ABI2: variants seen among roughly 807,000 people sequenced by gnomAD.
The protein encoded by ABI2 is abelson interactor 2.
Under a neutral mutation model 59.2 loss-of-function variants are expected in ABI2, and 25 were observed. The observed-to-expected ratio is 0.42, with a 90% CI of 0.31 to 0.59. ABI2 has a LOEUF of 0.59. ABI2 is among the 20% of genes least tolerant of loss of function. The pLI, the probability that ABI2 is intolerant of heterozygous loss-of-function variation, is 0.14. For missense variants in ABI2, 545 were observed against 681.8 expected (o/e 0.80, Z 2.23); for synonymous variants, 213 against 235.5 (o/e 0.90, Z 0.87).
chr2:203,351,692 T>C, intron 1 of ABI2: 1 of 328,848 alleles, frequency 3.0e-6, no homozygotes, highest in Admixed American at 4.5e-5. Flanking sequence ...CGTGCTACTG[T>C]GCCCGGCTGA....
intron 1 of ABI2, among the ~76,000 whole-genome samples, chr2:203,356,373 A>G (rs1183313178): frequency 6.6e-6 from 1 of 151,520 alleles, no homozygotes; most frequent in Non-Finnish European, 1.5e-5. Context: ...ATTTTATTTT[A>G]TTTTATTTAT....
At chr2:203,404,236 T>C (rs568202173) in intron 9 of ABI2, among the ~76,000 whole-genome samples, 7 of 152,230 alleles carry the variant, frequency 4.6e-5, no homozygotes, top group Non-Finnish European at 1.0e-4. Flanking sequence ...AGGAACTGTT[T>C]GTTGAATGCC....
chr2:203,403,602 G>A (rs1309638714), intron 9 of ABI2, among the ~76,000 whole-genome samples: 1 of 150,200 alleles, frequency 6.7e-6, no homozygotes, highest in Admixed American at 6.7e-5. Context: ...TATCTCATTT[G>A]ATTCTTAGAA....
chr2:203,342,147 A>G (rs1300074671), intron 1 of ABI2: 4 of 450,016 alleles, frequency 8.9e-6, no homozygotes, highest in South Asian at 6.4e-5. Flanking sequence ...TATGACTCAC[A>G]CCATTTATTT....
chr2:203,368,746 A>T (rs1005939056), intron 2 of ABI2, among the ~76,000 whole-genome samples: 1 of 152,074 alleles, frequency 6.6e-6, no homozygotes, highest in Non-Finnish European at 1.5e-5. Context: ...TAATGAGTGT[A>T]AGGTAAATTT....
chr2:203,369,593 T>C (rs891775622), intron 2 of ABI2, among the ~76,000 whole-genome samples: 1 of 152,178 alleles, frequency 6.6e-6, no homozygotes, highest in Non-Finnish European at 1.5e-5. Context: ...ATTAATGCTG[T>C]CTTTTAAAGC....
At position 203,387,557 on chromosome 2, in the gene ABI2, G is replaced by T. The variant is rs116096391; in HGVS notation, c.481-3489G>T. 1.6e-3 allele frequency among the ~76,000 whole-genome samples: 251 copies of T among 152,214 alleles called. 2 individuals are homozygous for T. Among genetic ancestry groups the T allele is most frequent in the African/African-American group, 5.4e-3 (224 of 41,542 alleles). ...CTTCTGTTTTGGAGGTTTCTGTCTG[G>T]TAGGGAAAAAGTGGGGACTTTTCCA... is the stretch of plus-strand genomic sequence containing the variant. On this transcript the variant is annotated intron_variant, in intron 4 of 11. Coordinates refer to ENST00000261018, the MANE Select transcript of ABI2 (RefSeq NM_001375670.1).
intron 9 of ABI2, among the ~76,000 whole-genome samples, chr2:203,407,770 T>A (rs1032512727): frequency 6.6e-6 from 1 of 152,206 alleles, no homozygotes; most frequent in Admixed American, 6.5e-5. Flanking sequence ...GAAAACAAGT[T>A]TGCTTCCTGC....
intron 1 of ABI2, among the ~76,000 whole-genome samples, chr2:203,358,071 T>TTGTGTG (rs71007506): frequency 0.044 from 5,701 of 128,696 alleles, 195 homozygotes; most frequent in African/African-American, 0.11. Context: ...CCTGGCCTGT[T>TTGTGTG]TGTGTGTGTG....
chr2:203,376,733 CTTTTTTTTT>C (rs370295013), intron 2 of ABI2, among the ~76,000 whole-genome samples: 1 of 114,898 alleles, frequency 8.7e-6, no homozygotes, highest in Non-Finnish European at 1.8e-5. Flanking sequence ...TTGGTCTTCC[CTTTTTTTTT>C]TTTTTTTTTT....
chr2:203,418,000 G>C (rs2097980013), intron 11 of ABI2, among the ~76,000 whole-genome samples: 1 of 152,102 alleles, frequency 6.6e-6, no homozygotes, highest in African/African-American at 2.4e-5. Context: ...AATATTTCTG[G>C]AGACGAAAAA....
chr2:203,366,153 T>A (rs1169799633), intron 1 of ABI2, among the ~76,000 whole-genome samples: 1 of 152,108 alleles, frequency 6.6e-6, no homozygotes, highest in Non-Finnish European at 1.5e-5. Context: ...TAATTTATTT[T>A]AAAAATTACT....
intron 9 of ABI2, among the ~76,000 whole-genome samples, chr2:203,409,503 T>C (rs2097568796): frequency 6.6e-6 from 1 of 152,206 alleles, no homozygotes; most frequent in Non-Finnish European, 1.5e-5. Context: ...CCATCCCATT[T>C]CTTTCCCAGT....
chr2:203,368,094 G>A (rs1355474526), intron 2 of ABI2, among the ~76,000 whole-genome samples: 3 of 152,026 alleles, frequency 2.0e-5, no homozygotes, highest in African/African-American at 4.8e-5. Flanking sequence ...TTAACTTAGC[G>A]TTAAGGCAAA....
chr2:203,373,099 G>T (rs1186545265), intron 2 of ABI2, among the ~76,000 whole-genome samples: 2 of 152,320 alleles, frequency 1.3e-5, no homozygotes, highest in East Asian at 3.9e-4. Context: ...CACTTTGGGA[G>T]GCCAAGGCAG....
intron 11 of ABI2, among the ~76,000 whole-genome samples, chr2:203,418,397 C>T (rs183375747): frequency 2.6e-5 from 4 of 152,340 alleles, no homozygotes; most frequent in Admixed American, 2.6e-4. Context: ...TCAGCTGAGG[C>T]TGCAGTGATC....
intron 2 of ABI2, among the ~76,000 whole-genome samples, chr2:203,374,165 C>T (rs555004816): frequency 2.6e-5 from 4 of 151,792 alleles, no homozygotes; most frequent in South Asian, 4.2e-4. Context: ...TCTCAACAAC[C>T]CAAAACACAA....
intron 1 of ABI2, among the ~76,000 whole-genome samples, chr2:203,361,853 C>T (rs2093566842): frequency 1.3e-5 from 2 of 152,118 alleles, no homozygotes; most frequent in African/African-American, 2.4e-5. Flanking sequence ...AAAGCTGTGT[C>T]TGTGCTAAGT....
intron 2 of ABI2, among the ~76,000 whole-genome samples, chr2:203,379,797 C>G (rs2095988640): frequency 6.6e-6 from 1 of 152,206 alleles, no homozygotes; most frequent in African/African-American, 2.4e-5. Flanking sequence ...TCTGTTGTGG[C>G]TCATCTCTGC....
Sources: allele counts gnomAD v4.1 joint callset (sites outside exome capture counted in the v4.1 genomes callset), GRCh38; gene constraint gnomAD v4.1.1; transcripts MANE v1.5; gene names NCBI Gene and HGNC (gene_info 2026-07-23, HGNC 2026-07-21).